The following RFX7 variants were observed in gnomAD, a reference collection of about 807,000 sequenced individuals.
The protein encoded by RFX7 is DNA-binding protein RFX7.
A neutral mutation model predicts 111.8 loss-of-function variants in RFX7; 26 were observed. That is an observed-to-expected ratio of 0.23 (90% CI 0.17 to 0.32). The LOEUF (loss-of-function observed/expected upper bound fraction) is 0.32. Among genes scored for constraint, RFX7 ranks in the 10% least tolerant of loss-of-function variants. The probability of loss-of-function intolerance (pLI) is 1.00; values close to 1 mark genes in which losing one functional copy is unlikely to be tolerated. For synonymous variants in RFX7, 624 were observed against 624.4 expected (o/e 1.00, Z 0.01); for missense variants, 1,573 against 1,772.9 (o/e 0.89, Z 2.02).
intron 3 of RFX7, among the ~76,000 whole-genome samples, chr15:56,149,082 CAAAAAA>C (rs34272707): frequency 2.5e-5 from 2 of 78,932 alleles, no homozygotes; most frequent in African/African-American, 9.2e-5. Context: ...GACTCCGTCT[CAAAAAA>C]AAAAAAAAAA....
At chr15:56,161,453 AATG>A (rs1384873001) in intron 3 of RFX7, among the ~76,000 whole-genome samples, 2 of 152,052 alleles carry the variant, frequency 1.3e-5, no homozygotes, top group Non-Finnish European at 2.9e-5. Context: ...AAAACTAAGA[AATG>A]ATTATATTAC....
intron 5 of RFX7, among the ~76,000 whole-genome samples, chr15:56,127,343 TA>T (rs1171731028): frequency 5.2e-4 from 79 of 151,664 alleles, no homozygotes; most frequent in African/African-American, 1.9e-3. Context: ...AGGAAATTTA[TA>T]GGGACATATG....
chr15:56,220,912 C>T (rs2043420277), intron 2 of RFX7, among the ~76,000 whole-genome samples: 1 of 152,158 alleles, frequency 6.6e-6, no homozygotes. Context: ...GCCAGTTATC[C>T]TAGCAACATT....
At chr15:56,191,164 C>G (rs760475880) in intron 2 of RFX7, among the ~76,000 whole-genome samples, 2 of 152,164 alleles carry the variant, frequency 1.3e-5, no homozygotes, top group Non-Finnish European at 2.9e-5. Flanking sequence ...CTGGTTCTCT[C>G]TGACAGGCAA....
rs2041609337 is a variant in RFX7, at chr15:56,092,532, A to T, written c.*813T>A. ...TCATTCCCCTAACTTAACAAATAAT[A>T]AGACATAAAGCATTTTTCTAACATG... is the stretch of plus-strand genomic sequence containing the variant. On this transcript the variant is annotated 3_prime_UTR_variant, in exon 10 of 10. Coordinates refer to ENST00000559447, the MANE Select transcript of RFX7 (RefSeq NM_022841.7). 1 of 152,240 alleles carries T rather than the reference A, an allele frequency of 6.6e-6. No homozygotes were observed. The highest frequency in any genetic ancestry group is 1.5e-5 in the Non-Finnish European group (1 of 68,014). 9.4% of individuals were successfully genotyped at this position (152,240 alleles called of 1,614,324 possible).
At chr15:56,244,424 A>G (rs1158434063), upstream of RFX7, 1 of 152,388 alleles carries the variant, frequency 6.6e-6, no homozygotes, top group East Asian at 1.9e-4. Context: ...AAAGCCCTCC[A>G]AATCTGGCCC....
intron 3 of RFX7, among the ~76,000 whole-genome samples, chr15:56,151,675 C>T (rs2042571164): frequency 6.6e-6 from 1 of 152,158 alleles, no homozygotes; most frequent in Non-Finnish European, 1.5e-5. Flanking sequence ...AACCAGATAG[C>T]ATCATAACGA....
At chr15:56,242,106 G>T (rs2043697926) in intron 2 of RFX7, among the ~76,000 whole-genome samples, 1 of 152,124 alleles carries the variant, frequency 6.6e-6, no homozygotes, top group Non-Finnish European at 1.5e-5. Flanking sequence ...ATTCAATGAT[G>T]GCCCTGCAAA....
chr15:56,243,064 C>CCCCCAATT, intron 2 of RFX7, 61 bp downstream of exon 2: 2 of 1,128,232 alleles, frequency 1.8e-6, no homozygotes, highest in Non-Finnish European at 2.4e-6. Flanking sequence ...CCGCCCCCCA[C>CCCCCAATT]CCACTTTGCA....
At chr15:56,100,730 T>C (rs2041740569) in intron 8 of RFX7, among the ~76,000 whole-genome samples, 1 of 152,174 alleles carries the variant, frequency 6.6e-6, no homozygotes, top group Non-Finnish European at 1.5e-5. Context: ...GAACTGTTAT[T>C]TTACACAACT....
chr15:56,235,294 G>A (rs1332150864), intron 2 of RFX7, among the ~76,000 whole-genome samples: 1 of 151,898 alleles, frequency 6.6e-6, no homozygotes, highest in African/African-American at 2.4e-5. Flanking sequence ...TCCTGCCTCA[G>A]CCTCCTGAGT....
At chr15:56,114,676 C>G (rs1012062357) in intron 5 of RFX7, among the ~76,000 whole-genome samples, 1 of 151,680 alleles carries the variant, frequency 6.6e-6, no homozygotes, top group Non-Finnish European at 1.5e-5. Flanking sequence ...TGCTTGAAGT[C>G]AAAACTAAAG....
intron 4 of RFX7, among the ~76,000 whole-genome samples, chr15:56,143,128 T>C (rs762261738): frequency 6.6e-6 from 1 of 152,182 alleles, no homozygotes; most frequent in African/African-American, 2.4e-5. Context: ...ATGCAGGTGA[T>C]AGAGCACTGA....
At chr15:56,227,670 A>G (rs1322630483) in intron 2 of RFX7, among the ~76,000 whole-genome samples, 2 of 152,162 alleles carry the variant, frequency 1.3e-5, no homozygotes, top group Admixed American at 6.5e-5. Flanking sequence ...AGTGAATGAC[A>G]CTGTTGTTAT....
intron 2 of RFX7, among the ~76,000 whole-genome samples, chr15:56,190,958 T>C (rs2043094459): frequency 6.6e-6 from 1 of 152,240 alleles, no homozygotes; most frequent in Non-Finnish European, 1.5e-5. Flanking sequence ...TTAAAGTATA[T>C]TCAGAAAGTT....
At chr15:56,125,617 GT>G (rs2140979417) in intron 5 of RFX7, among the ~76,000 whole-genome samples, 1 of 87,328 alleles carries the variant, frequency 1.1e-5, no homozygotes, top group South Asian at 4.6e-4. Context: ...GTGAGTGTGT[GT>G]GTGTGTGTGT....
chr15:56,094,307 C>T lies in RFX7; in HGVS notation c.3421G>A (p.Glu1141Lys). The part of the protein sequence containing the change: ...GATVNNTNKQ[E>K]GFAVPAPLDN... ...AGAGGGGCAGGGACTGCAAAACCCTCCTGTTTGTTGGTGTTATTTACAGTG... is the reference window on the plus strand; with the variant it reads ...AGAGGGGCAGGGACTGCAAAACCCTTCTGTTTGTTGGTGTTATTTACAGTG... The change falls in exon 10 of 10, where the codon GAG becomes AAG. Residue 1141 changes from glutamate (E) to lysine (K), a missense_variant. Glu to Lys is a moderately conservative substitution (Grantham distance 56). This residue lies in a region of RFX7 where 411 missense variants were observed against 478.1 expected (regional missense o/e 0.86). Coordinates refer to ENST00000559447, the MANE Select transcript of RFX7 (RefSeq NM_022841.7). 6.2e-7 allele frequency: 1 copy of T among 1,613,958 alleles called. No homozygotes were observed. Among genetic ancestry groups the T allele is most frequent in the Non-Finnish European group, 8.5e-7 (1 of 1,179,886 alleles).
intron 2 of RFX7, among the ~76,000 whole-genome samples, chr15:56,190,408 A>G (rs899135635): frequency 6.6e-6 from 1 of 152,202 alleles, no homozygotes; most frequent in African/African-American, 2.4e-5. Context: ...GGGACAGCCC[A>G]TATCTAGACA....
chr15:56,115,492 A>C (rs1400016047), intron 5 of RFX7, among the ~76,000 whole-genome samples: 3 of 152,188 alleles, frequency 2.0e-5, no homozygotes, highest in South Asian at 2.1e-4. Context: ...AAAAATGACT[A>C]TTCTTTTGGT....
Sources: allele counts gnomAD v4.1 joint callset (sites outside exome capture counted in the v4.1 genomes callset), GRCh38; gene constraint gnomAD v4.1.1; regional missense constraint gnomAD v4.1.1; transcripts MANE v1.5; gene names NCBI Gene and HGNC (gene_info 2026-07-23, HGNC 2026-07-21).